Variants in NCOA3 observed in about 807,000 individuals in gnomAD.
NCOA3 encodes CBP-interacting protein.
In NCOA3, 51 loss-of-function variants were observed where a neutral mutation model predicts 158.8. The ratio of observed to expected loss-of-function variants is 0.32; its 90% CI spans 0.26 to 0.41. NCOA3 has a LOEUF of 0.41. Ranked by LOEUF, NCOA3 falls within the 10% of genes least tolerant of loss-of-function variation. The probability of loss-of-function intolerance (pLI) is 1.00; values close to 1 mark genes in which losing one functional copy is unlikely to be tolerated. For missense variants in NCOA3, 1,510 were observed against 1,746.6 expected, an observed-to-expected ratio of 0.86 and a Z score of 2.41; for synonymous variants, 537 against 592.4, an observed-to-expected ratio of 0.91 and a Z score of 1.36.
rs1663118234 is a variant in NCOA3, at chr20:47,646,210, T to C, written c.3253-863T>C. Among the ~76,000 whole-genome samples the C allele has an allele frequency of 2.0e-5, 3 of 152,234 alleles. No homozygotes were observed. The South Asian group carries it at 6.2e-4, about 31-fold the overall frequency. On this transcript the variant is annotated intron_variant, in intron 17 of 22. Transcript: ENST00000371998. ...AATACCTAATACAATGTAAATGTTA[T>C]GTATATTATATAGTTGTTACACTGT...
At chr20:47,625,686 G>C (rs2086310834) in intron 5 of NCOA3, among the ~76,000 whole-genome samples, 1 of 152,014 alleles carries the variant, frequency 6.6e-6, no homozygotes, top group Non-Finnish European at 1.5e-5. Context: ...TGCCCCCCTA[G>C]TAAAAATATA....
intron 1 of NCOA3, among the ~76,000 whole-genome samples, chr20:47,572,014 C>T (rs1188323656): frequency 1.3e-5 from 2 of 152,182 alleles, no homozygotes; most frequent in Non-Finnish European, 2.9e-5. Flanking sequence ...AGGTGTGAGC[C>T]ACTACACCTG....
At chr20:47,535,833 A>G (rs533369218) in intron 1 of NCOA3, among the ~76,000 whole-genome samples, 1 of 152,156 alleles carries the variant, frequency 6.6e-6, no homozygotes, top group East Asian at 1.9e-4. Context: ...GAATGGTGGA[A>G]GTAGCTCTCA....
At chr20:47,555,074 C>A (rs1319988338) in intron 1 of NCOA3, among the ~76,000 whole-genome samples, 1 of 152,158 alleles carries the variant, frequency 6.6e-6, no homozygotes. Context: ...AGTATCTGAT[C>A]TTTGACAAAG....
At chr20:47,623,750 TGTACTCCA>T (rs2086277920) in intron 3 of NCOA3, among the ~76,000 whole-genome samples, 153 bp from the exon 4 acceptor site, 1 of 151,828 alleles carries the variant, frequency 6.6e-6, no homozygotes, top group Non-Finnish European at 1.5e-5. Context: ...GTCGCACCGT[TGTACTCCA>T]GCCTGGGCAA....
In NCOA3 at chr20:47,636,450, G is replaced by C; in HGVS notation, c.2064G>C (p.Leu688Phe). 6.2e-7 allele frequency: 1 copy of C among 1,614,118 alleles called. No homozygotes were observed. The highest frequency in any genetic ancestry group is 8.5e-7 in the Non-Finnish European group (1 of 1,180,024). ...AGAAGCACCGGATTTTGCACAAGTTGCTGCAGAATGGGAATTCACCAGCTG... is the reference window on the plus strand; with the variant it reads ...AGAAGCACCGGATTTTGCACAAGTTCCTGCAGAATGGGAATTCACCAGCTG... Reference protein sequence around the residue: ...LQEKHRILHKLLQNGNSPAEV... With the variant: ...LQEKHRILHKFLQNGNSPAEV... The change falls in exon 12 of 23, where the codon TTG becomes TTC. Residue 688 changes from leucine (L) to phenylalanine (F), a missense_variant. Transcript: ENST00000371998.
intron 1 of NCOA3, among the ~76,000 whole-genome samples, chr20:47,511,390 C>T (rs1198374538): frequency 5.0e-5 from 7 of 140,774 alleles, no homozygotes; most frequent in African/African-American, 1.3e-4. Flanking sequence ...TGGGACTACA[C>T]GTGTCCACCA....
chr20:47,538,317 A>G (rs2084667882), intron 1 of NCOA3, among the ~76,000 whole-genome samples: 1 of 152,196 alleles, frequency 6.6e-6, no homozygotes, highest in African/African-American at 2.4e-5. Context: ...TGGTTTTTTT[A>G]GGCACTGCGT....
chr20:47,623,618 T>C (rs966308854), intron 3 of NCOA3, among the ~76,000 whole-genome samples: 1 of 152,044 alleles, frequency 6.6e-6, no homozygotes, highest in Non-Finnish European at 1.5e-5. Context: ...TGAAACATCG[T>C]CTCAACTAAA....
chr20:47,650,906 T>G, intron 19 of NCOA3, 76 bp from the exon 20 acceptor site: 1 of 1,356,942 alleles, frequency 7.4e-7, no homozygotes, highest in Non-Finnish European at 1.0e-6. Context: ...ACCTGGTGTA[T>G]TGTGGGGGTA....
chr20:47,502,157 G>T (rs2146031726), intron 1 of NCOA3, 138 bp downstream of exon 1: 1 of 397,084 alleles, frequency 2.5e-6, no homozygotes, highest in Non-Finnish European at 4.4e-6. Flanking sequence ...GCCGGCCGGG[G>T]GACGCGCTGA....
Position 47,538,630 on chromosome 20 carries a change from C to T in NCOA3, c.-99+36611C>T, listed in dbSNP as rs182090788. 7.2e-5 allele frequency among the ~76,000 whole-genome samples: 11 copies of T among 152,160 alleles called. No individual in the cohort carries two copies. In the East Asian group the frequency reaches 7.7e-4, roughly 11 times the overall value. On this transcript the variant is annotated intron_variant, in intron 1 of 22. Transcript: ENST00000371998. ...TCAGCTCACTGCAACCTCTGCCTCC[C>T]GGGTTCAAGTAATTCTCCTGCCTCA...
rs2086880676 is a variant in NCOA3 at position 47,656,652 on chromosome 20, A to T, written c.*3235A>T. 1 of 152,672 alleles carries T rather than the reference A, an allele frequency of 6.5e-6. No homozygotes were observed. The highest frequency in any genetic ancestry group is 1.5e-5 in the Non-Finnish European group (1 of 68,050). 9.5% of individuals were successfully genotyped at this position (152,672 alleles called of 1,614,324 possible). A position where few individuals can be genotyped will look rare whatever the true frequency, so the allele number is the denominator to read the frequency against. ...TCTAATATATGGAGTTTCGAAGAAT[A>T]AAATATGAGAGCAATATTTAAATTC... On this transcript the variant is annotated 3_prime_UTR_variant, in exon 23 of 23. Coordinates refer to ENST00000371998, the MANE Select transcript of NCOA3 (RefSeq NM_181659.3).
intron 1 of NCOA3, among the ~76,000 whole-genome samples, chr20:47,563,090 A>G (rs1232909074): frequency 1.3e-5 from 2 of 152,208 alleles, no homozygotes. Flanking sequence ...AGCTTTGTCT[A>G]CATTTCTCAT....
intron 1 of NCOA3, among the ~76,000 whole-genome samples, chr20:47,570,982 A>ATGTGTGTGTGTGTGTGTGTGTGTG (rs1224807146): frequency 1.2e-5 from 1 of 80,450 alleles, no homozygotes; most frequent in African/African-American, 4.9e-5. Flanking sequence ...GTATATACAT[A>ATGTGTGTGTGTGTGTGTGTGTGTG]TATGTGTGTG....
chr20:47,626,854 G>A (rs2086330458), intron 5 of NCOA3, 148 bp from the exon 6 acceptor site: 1 of 637,622 alleles, frequency 1.6e-6, no homozygotes, highest in South Asian at 2.5e-5. Flanking sequence ...GGTCCCCACC[G>A]TTATGACCTC....
rs72645212 is a variant in NCOA3 at position 47,586,697 on chromosome 20, C to T, written c.-20+3436C>T. ...GGATATTTTCACAGCCTGTCTTTAT[C>T]TCTTATGACATTGGCATTTTTGAGA... On this transcript the variant is annotated intron_variant, in intron 2 of 22. Coordinates refer to ENST00000371998, the MANE Select transcript of NCOA3 (RefSeq NM_181659.3). Among the ~76,000 whole-genome samples the T allele has an allele frequency of 2.0e-3, 312 of 152,252 alleles. 9 individuals are homozygous for T. The East Asian group carries it at 0.057, about 28-fold the overall frequency.
intron 17 of NCOA3, 137 bp downstream of exon 17, chr20:47,642,521 C>A: frequency 1.9e-6 from 1 of 516,354 alleles, no homozygotes; most frequent in Non-Finnish European, 3.1e-6. Context: ...TCATGGATAC[C>A]AGCATTAAAT....
chr20:47,513,506 A>T (rs527602311), intron 1 of NCOA3, among the ~76,000 whole-genome samples: 1 of 152,104 alleles, frequency 6.6e-6, no homozygotes, highest in African/African-American at 2.4e-5. Context: ...CAAGCAGATC[A>T]TTCAAGGCCA....
Sources: allele counts gnomAD v4.1 joint callset (sites outside exome capture counted in the v4.1 genomes callset), GRCh38; gene constraint gnomAD v4.1.1; transcripts MANE v1.5; gene names NCBI Gene and HGNC (gene_info 2026-07-23, HGNC 2026-07-21).